The following TRABD2B variants were observed in gnomAD, a reference collection of about 807,000 sequenced individuals.
TRABD2B encodes metalloprotease TIKI2.
Under a neutral mutation model 40.1 loss-of-function variants are expected in TRABD2B, and 14 were observed. That is an observed-to-expected ratio of 0.35 (90% CI 0.23 to 0.55). The LOEUF (loss-of-function observed/expected upper bound fraction) is 0.55, where lower values mean the gene tolerates loss of function less well. TRABD2B is among the 20% of genes least tolerant of loss of function. TRABD2B has a pLI of 0.90. For synonymous variants in TRABD2B, 263 were observed against 277.0 expected (o/e 0.95, Z 0.50); for missense variants, 541 against 648.6 (o/e 0.83, Z 1.80).
intron 2 of TRABD2B, among the ~76,000 whole-genome samples, chr1:47,933,379 TG>T (rs1178917873): frequency 6.6e-6 from 1 of 152,140 alleles, no homozygotes; most frequent in Non-Finnish European, 1.5e-5. Flanking sequence ...CCCAAAGTGC[TG>T]GGATTACAGG....
intron 2 of TRABD2B, among the ~76,000 whole-genome samples, chr1:47,845,593 G>C (rs1316018835): frequency 6.6e-6 from 1 of 152,122 alleles, no homozygotes; most frequent in African/African-American, 2.4e-5. Flanking sequence ...TGCTATTAAT[G>C]ACAATGAGAA....
intron 2 of TRABD2B, among the ~76,000 whole-genome samples, chr1:47,851,346 C>A (rs1376537693): frequency 1.3e-5 from 2 of 152,098 alleles, no homozygotes; most frequent in Non-Finnish European, 2.9e-5. Context: ...AATGGGAAAC[C>A]AGCCTTTTAA....
At chr1:47,937,105 C>CCACCACCAGCATGATCATCACCAT (rs1456540034) in intron 2 of TRABD2B, among the ~76,000 whole-genome samples, 1 of 149,946 alleles carries the variant, frequency 6.7e-6, no homozygotes, top group East Asian at 2.0e-4. Context: ...ATCATCACCA[C>CCACCACCAGCATGATCATCACCAT]CACCACCAGC....
At chr1:47,911,366 G>A (rs1644760575) in intron 2 of TRABD2B, among the ~76,000 whole-genome samples, 1 of 152,204 alleles carries the variant, frequency 6.6e-6, no homozygotes, top group South Asian at 2.1e-4. Flanking sequence ...AACTACTGGT[G>A]CAAGTTACAA....
chr1:47,803,592 CTTA>C (rs1644852257), intron 2 of TRABD2B, among the ~76,000 whole-genome samples: 2 of 152,150 alleles, frequency 1.3e-5, no homozygotes, highest in African/African-American at 4.8e-5. Flanking sequence ...GTGGAAAACT[CTTA>C]TTGTTATTGT....
intron 2 of TRABD2B, among the ~76,000 whole-genome samples, chr1:47,913,521 C>A (rs1044885375): frequency 2.0e-4 from 31 of 152,342 alleles, no homozygotes; most frequent in South Asian, 1.0e-3. Flanking sequence ...AGGTGTCTGA[C>A]CTTTCCTGCC....
intron 2 of TRABD2B, among the ~76,000 whole-genome samples, chr1:47,870,935 G>C (rs1366841783): frequency 6.6e-6 from 1 of 152,190 alleles, no homozygotes; most frequent in African/African-American, 2.4e-5. Flanking sequence ...TGGAGGCACT[G>C]AATTTTATAA....
chr1:47,902,661 TA>T (rs1422101791), intron 2 of TRABD2B, among the ~76,000 whole-genome samples: 1 of 151,754 alleles, frequency 6.6e-6, no homozygotes, highest in Non-Finnish European at 1.5e-5. Context: ...TATGCCTAGT[TA>T]ATTTTTTATA....
intron 2 of TRABD2B, among the ~76,000 whole-genome samples, chr1:47,808,484 G>C (rs938509781): frequency 6.6e-6 from 1 of 152,184 alleles, no homozygotes; most frequent in Admixed American, 6.5e-5. Flanking sequence ...CAAAGGCCCT[G>C]TACATATGTG....
chr1:47,958,507 G>A (rs1645459304), intron 2 of TRABD2B, among the ~76,000 whole-genome samples: 1 of 128,874 alleles, frequency 7.8e-6, no homozygotes, highest in Non-Finnish European at 1.7e-5. Context: ...ATAAAGGGAT[G>A]GATGAAGATC....
chr1:47,859,959 T>C (rs1031785246), intron 2 of TRABD2B, among the ~76,000 whole-genome samples: 1 of 152,052 alleles, frequency 6.6e-6, no homozygotes, highest in African/African-American at 2.4e-5. Flanking sequence ...CTCAGGGAGG[T>C]GACGTATCTT....
chr1:47,848,635 A>T (rs1219654361), intron 2 of TRABD2B, among the ~76,000 whole-genome samples: 2 of 152,220 alleles, frequency 1.3e-5, no homozygotes, highest in Non-Finnish European at 2.9e-5. Flanking sequence ...CCATGACACA[A>T]ACGAGGAAAC....
chr1:47,797,286 G>C (rs1644761475), intron 3 of TRABD2B, among the ~76,000 whole-genome samples: 2 of 152,254 alleles, frequency 1.3e-5, no homozygotes, highest in South Asian at 2.1e-4. Context: ...AGGAAGTCCT[G>C]AATCAATGTC....
chr1:47,794,526 G>C, intron 4 of TRABD2B, 60 bp downstream of exon 4: 4 of 1,463,796 alleles, frequency 2.7e-6, no homozygotes, highest in Non-Finnish European at 3.6e-6. Context: ...GAGGTTAGGG[G>C]AGAGCCAAGC....
chr1:47,838,428 G>A (rs1645347973), intron 2 of TRABD2B, among the ~76,000 whole-genome samples: 1 of 152,186 alleles, frequency 6.6e-6, no homozygotes, highest in African/African-American at 2.4e-5. Flanking sequence ...CCCAAGAAGA[G>A]CGGCTGCAGC....
In TRABD2B at chr1:47,778,689, C is replaced by T. The variant is rs1644480830; in HGVS notation, c.989-145G>A. On this transcript the variant is annotated intron_variant, in intron 4 of 6. Coordinates refer to ENST00000606738, the MANE Select transcript of TRABD2B (RefSeq NM_001194986.2). The stretch of plus-strand genomic sequence containing the variant: ...CCAGATTCCCTGAGAGGCAGTATAG[C>T]ATAGAAGGTAAGACATGGTCCTGGT... 19 of 659,318 alleles carry T rather than the reference C, an allele frequency of 2.9e-5. No homozygotes were observed. In the South Asian group the frequency reaches 3.3e-4, roughly 11 times the overall value. 40.8% of individuals were successfully genotyped at this position (659,318 alleles called of 1,614,324 possible).
intron 2 of TRABD2B, among the ~76,000 whole-genome samples, chr1:47,987,555 A>G (rs6656936): frequency 0.4 from 60,943 of 152,062 alleles, 12,806 homozygotes; most frequent in African/African-American, 0.53. Flanking sequence ...ATGGAGGTGC[A>G]TAAGCTATCC....
intron 2 of TRABD2B, among the ~76,000 whole-genome samples, chr1:47,903,902 T>C (rs1244805793): frequency 6.6e-6 from 1 of 152,216 alleles, no homozygotes; most frequent in Non-Finnish European, 1.5e-5. Context: ...TCTGCCTGCC[T>C]GCTCCAGTTT....
At chr1:47,828,253 G>A (rs1570062724) in intron 2 of TRABD2B, among the ~76,000 whole-genome samples, 1 of 152,030 alleles carries the variant, frequency 6.6e-6, no homozygotes, top group Non-Finnish European at 1.5e-5. Flanking sequence ...TGTCCCCCTC[G>A]CTGGCTGGTC....
Sources: allele counts gnomAD v4.1 joint callset (sites outside exome capture counted in the v4.1 genomes callset), GRCh38; gene constraint gnomAD v4.1.1; transcripts MANE v1.5; gene names NCBI Gene and HGNC (gene_info 2026-07-23, HGNC 2026-07-21).